The following BBS9 variants were observed in gnomAD, a reference collection of about 807,000 sequenced individuals.
The protein encoded by BBS9 is protein PTHB1.
In BBS9, 89 loss-of-function variants were observed where a neutral mutation model predicts 117.7. That is an observed-to-expected ratio of 0.76 (90% confidence interval 0.64 to 0.90). BBS9 has a LOEUF of 0.90. Ranked by LOEUF, BBS9 falls within the 40% of genes least tolerant of loss-of-function variation. BBS9 has a pLI of 0.00. For missense variants in BBS9, 982 were observed against 1,042.2 expected, an observed-to-expected ratio of 0.94 and a Z score of 0.80; for synonymous variants, 379 against 370.9, an observed-to-expected ratio of 1.02 and a Z score of -0.25.
intron 19 of BBS9, among the ~76,000 whole-genome samples, chr7:33,451,720 C>A (rs1157480599): frequency 2.0e-5 from 3 of 152,192 alleles, no homozygotes; most frequent in Non-Finnish European, 4.4e-5. Flanking sequence ...CCTGTTTTTG[C>A]ATAACATGCC....
intron 5 of BBS9, among the ~76,000 whole-genome samples, chr7:33,234,919 G>C (rs963224973): frequency 1.3e-5 from 2 of 151,842 alleles, no homozygotes; most frequent in African/African-American, 4.8e-5. Context: ...TTGAATGGAA[G>C]GTAGTAAAAG....
chr7:33,308,162 G>C (rs968234044), intron 9 of BBS9, among the ~76,000 whole-genome samples: 3 of 152,182 alleles, frequency 2.0e-5, no homozygotes, highest in Non-Finnish European at 4.4e-5. Context: ...CAGGCAGCTA[G>C]CTGAATGTAT....
At chr7:33,477,536 T>C (rs116195946) in intron 19 of BBS9, among the ~76,000 whole-genome samples, 340 of 152,282 alleles carry the variant, frequency 2.2e-3, no homozygotes, top group African/African-American at 7.9e-3. Context: ...CTTGTGTGAA[T>C]GTAAGGACTT....
chr7:33,424,765 T>G (rs913962098), intron 19 of BBS9, among the ~76,000 whole-genome samples: 28 of 152,148 alleles, frequency 1.8e-4, no homozygotes, highest in African/African-American at 6.5e-4. Context: ...TATAAGATTT[T>G]TTTTAATGGA....
At chr7:33,525,851 C>G (rs1304335469) in intron 20 of BBS9, among the ~76,000 whole-genome samples, 2 of 150,146 alleles carry the variant, frequency 1.3e-5, no homozygotes, top group Middle Eastern at 3.5e-3. Context: ...TCTCGATGGT[C>G]TTTACATTTT....
intron 5 of BBS9, among the ~76,000 whole-genome samples, chr7:33,253,890 T>C (rs1327336657): frequency 6.6e-6 from 1 of 152,172 alleles, no homozygotes; most frequent in Non-Finnish European, 1.5e-5. Flanking sequence ...GGACTGTAAG[T>C]GGAAGCTTTA....
At chr7:33,633,383 G>T (rs751408958) in intron 21 of BBS9, among the ~76,000 whole-genome samples, 4 of 151,948 alleles carry the variant, frequency 2.6e-5, no homozygotes, top group African/African-American at 9.7e-5. Flanking sequence ...TGGAAAGCAG[G>T]GCTACATATT....
intron 19 of BBS9, among the ~76,000 whole-genome samples, chr7:33,444,254 A>G (rs79515741): frequency 0.032 from 4,949 of 152,304 alleles, 147 homozygotes; most frequent in African/African-American, 0.078. Context: ...CTCAAGGATC[A>G]TTCTCTATTC....
chr7:33,293,938 T>C (rs1478903978), intron 9 of BBS9, among the ~76,000 whole-genome samples: 1 of 152,150 alleles, frequency 6.6e-6, no homozygotes, highest in Non-Finnish European at 1.5e-5. Context: ...CCTAGAAATA[T>C]TTTTATGTTA....
intron 21 of BBS9, among the ~76,000 whole-genome samples, chr7:33,555,756 CAGTTT>C (rs1225643377): frequency 3.3e-5 from 5 of 152,262 alleles, no homozygotes; most frequent in African/African-American, 9.6e-5. Context: ...GACAGATCAT[CAGTTT>C]AGTTTTGTAC....
rs997332012 is a variant in BBS9 at position 33,574,043 on chromosome 7, G to C, written c.2522-30822G>C. Among the ~76,000 whole-genome samples, 6 of 152,006 alleles carry C rather than the reference G, an allele frequency of 3.9e-5. 1 individual carries two copies. ...TTCAACTTCTCCATTGTGCATGTGG[G>C]GTCCCAGTGCCCACAGGCTTACCTG... is the stretch of plus-strand genomic sequence containing the variant. On this transcript the variant is annotated intron_variant, in intron 21 of 22. Transcript: ENST00000242067.
chr7:33,339,457 C>T (rs1816067384), intron 10 of BBS9, among the ~76,000 whole-genome samples: 1 of 152,148 alleles, frequency 6.6e-6, no homozygotes, highest in South Asian at 2.1e-4. Context: ...CATTTGTACT[C>T]TCATTAAGTT....
At chr7:33,167,403 CTTT>C (rs1202170784) in intron 4 of BBS9, among the ~76,000 whole-genome samples, 5 of 134,198 alleles carry the variant, frequency 3.7e-5, no homozygotes, top group Admixed American at 7.6e-5. Context: ...TCTGAGAATT[CTTT>C]TTTTTTTTTT....
chr7:33,557,811 T>C (rs977594132), intron 21 of BBS9, among the ~76,000 whole-genome samples: 4 of 152,248 alleles, frequency 2.6e-5, no homozygotes, highest in African/African-American at 7.2e-5. Context: ...GATAAGCAGA[T>C]GGTTTTTCAC....
At chr7:33,387,032 T>C (rs1297490659) in intron 18 of BBS9, among the ~76,000 whole-genome samples, 1 of 152,200 alleles carries the variant, frequency 6.6e-6, no homozygotes, top group Admixed American at 6.5e-5. Flanking sequence ...TGTTTTGCTT[T>C]GTTTCATTTA....
chr7:33,420,886 A>C (rs2128854927), intron 19 of BBS9, among the ~76,000 whole-genome samples: 1 of 152,212 alleles, frequency 6.6e-6, no homozygotes, highest in African/African-American at 2.4e-5. Flanking sequence ...CTAAGGTGAA[A>C]GTTTTTCTTC....
intron 15 of BBS9, 82 bp from the exon 16 acceptor site, chr7:33,357,773 G>A: frequency 7.0e-7 from 1 of 1,436,324 alleles, no homozygotes; most frequent in Non-Finnish European, 9.8e-7. Context: ...ATATATTGCT[G>A]CTCAAACTAT....
intron 5 of BBS9, among the ~76,000 whole-genome samples, chr7:33,189,660 G>T (rs1033457115): frequency 3.3e-5 from 5 of 151,800 alleles, no homozygotes; most frequent in Non-Finnish European, 7.4e-5. Flanking sequence ...GGCTGAGGGG[G>T]GCGGATCACG....
intron 21 of BBS9, among the ~76,000 whole-genome samples, chr7:33,542,956 T>C (rs112983479): frequency 0.12 from 18,396 of 152,088 alleles, 1,190 homozygotes; most frequent in African/African-American, 0.16. Flanking sequence ...TAATGACTTC[T>C]TTTCCTCTGG....
Sources: gnomAD v4.1 joint callset for allele counts (sites outside exome capture counted in the v4.1 genomes callset) on GRCh38, gnomAD v4.1.1 for gene constraint, MANE v1.5 for transcripts, NCBI Gene and HGNC (gene_info 2026-07-23, HGNC 2026-07-21) for gene names.